Variants in PRH1 observed in about 807,000 individuals in gnomAD.
The protein encoded by PRH1 is proline rich protein HaeIII subfamily 1, also known as salivary acidic proline-rich phosphoprotein 1/2.
In PRH1, 7 loss-of-function variants were observed where a neutral mutation model predicts 7.9. The observed-to-expected ratio is 0.89, with a 90% CI of 0.50 to 1.67. The LOEUF (loss-of-function observed/expected upper bound fraction) is 1.67. Among genes scored for constraint, PRH1 ranks in the 40% most tolerant of loss-of-function variants. The pLI is 0.00. For synonymous variants in PRH1, 45 were observed against 80.8 expected, an observed-to-expected ratio of 0.56 and a Z score of 2.38; for missense variants, 109 against 223.6, an observed-to-expected ratio of 0.49 and a Z score of 3.27.
At chr12:10,962,990 T>C (rs980817434) in intron 2 of PRH1, among the ~76,000 whole-genome samples, 6 of 152,232 alleles carry the variant, frequency 3.9e-5, no homozygotes, top group African/African-American at 1.4e-4. Flanking sequence ...CAGGACGGTC[T>C]TGATCTCCTG....
upstream of PRH1, among the ~76,000 whole-genome samples, chr12:10,885,386 G>A (rs145169604): frequency 1.6e-4 from 24 of 151,582 alleles, no homozygotes; most frequent in Admixed American, 5.3e-4. Context: ...TTTACTTTTC[G>A]TCCTATATCT....
chr12:11,053,912 C>A (rs1470476908), intron 1 of PRH1, among the ~76,000 whole-genome samples: 1 of 152,162 alleles, frequency 6.6e-6, no homozygotes, highest in Non-Finnish European at 1.5e-5. Context: ...CCTCCGCCTC[C>A]AAGGTTCAAT....
chr12:11,133,797 C>A, intron 1 of PRH1: 1 of 1,589,252 alleles, frequency 6.3e-7, no homozygotes, highest in Non-Finnish European at 8.6e-7. Context: ...ACAGTCTCAT[C>A]CATGTTTATC....
At chr12:11,059,022 G>C (rs1353765939) in intron 1 of PRH1, among the ~76,000 whole-genome samples, 3 of 152,178 alleles carry the variant, frequency 2.0e-5, no homozygotes, top group Admixed American at 1.3e-4. Context: ...GTGGGCATGA[G>C]GTCTGACTTT....
intron 1 of PRH1, among the ~76,000 whole-genome samples, chr12:11,007,883 A>G (rs948794380): frequency 7.9e-5 from 12 of 152,148 alleles, no homozygotes; most frequent in Middle Eastern, 3.4e-3. Context: ...ATCCACCCAA[A>G]CCCAGCTTAG....
intron 2 of PRH1, among the ~76,000 whole-genome samples, chr12:10,939,817 A>G (rs1471087398): frequency 6.6e-6 from 1 of 152,156 alleles, no homozygotes; most frequent in Non-Finnish European, 1.5e-5. Flanking sequence ...ATTGTACATT[A>G]CAAAATTGCT....
chr12:10,917,644 T>C (rs960748545), intron 2 of PRH1, among the ~76,000 whole-genome samples: 3 of 152,224 alleles, frequency 2.0e-5, no homozygotes, highest in Non-Finnish European at 4.4e-5. Flanking sequence ...TGTTTTCACT[T>C]GTTGCTTCAC....
In PRH1 at chr12:10,972,938, C is replaced by T. The variant is rs550969293; in HGVS notation, c.-59+717G>A. Reference sequence around the variant, plus strand: ...GTACAAAGCACCACAACCCACCCCCCCCGCCCGCCCACACACACACCACAT... The same window carrying T: ...GTACAAAGCACCACAACCCACCCCCTCCGCCCGCCCACACACACACCACAT... On this transcript the variant is annotated intron_variant, in intron 2 of 3. Coordinates refer to the PRH1 transcript ENST00000539853. Among the ~76,000 whole-genome samples, 42 of 127,576 alleles carry T rather than the reference C, an allele frequency of 3.3e-4. No homozygotes were observed. In the Middle Eastern group the frequency reaches 0.011, roughly 33 times the overall value. 83.7% of individuals were successfully genotyped at this position (127,576 alleles called of 152,430 possible).
chr12:11,091,127 T>C (rs1379326745), intron 1 of PRH1, among the ~76,000 whole-genome samples: 2,762 of 52,934 alleles, frequency 0.052, 845 homozygotes, highest in Middle Eastern at 0.1. Flanking sequence ...TATATATATA[T>C]ATATATATAT....
At chr12:11,068,853 A>G (rs1303283348) in intron 1 of PRH1, among the ~76,000 whole-genome samples, 2 of 152,158 alleles carry the variant, frequency 1.3e-5, no homozygotes, top group Admixed American at 1.3e-4. Context: ...GTGGAAATTC[A>G]AGCAAAAATA....
chr12:10,882,148 C>T, intron 3 of PRH1, 69 bp downstream of exon 3: 1 of 1,595,166 alleles, frequency 6.3e-7, no homozygotes, highest in South Asian at 1.1e-5. Context: ...TCAGAGGATT[C>T]ATTGGCACAA....
chr12:10,997,528 A>C (rs1241385175), intron 1 of PRH1: 3 of 1,614,018 alleles, frequency 1.9e-6, no homozygotes, highest in South Asian at 1.1e-5. Flanking sequence ...GATGAAAAAT[A>C]AGTCTGGAGA....
chr12:11,142,585 C>T (rs145386864), intron 1 of PRH1, among the ~76,000 whole-genome samples: 7 of 151,932 alleles, frequency 4.6e-5, no homozygotes, highest in East Asian at 1.9e-4. Flanking sequence ...TATTGCAATT[C>T]GAAAGGAATT....
intron 2 of PRH1, among the ~76,000 whole-genome samples, chr12:10,941,253 G>A (rs906962253): frequency 2.0e-5 from 3 of 152,308 alleles, no homozygotes; most frequent in Admixed American, 6.5e-5. Context: ...AAGGACCTCA[G>A]CACTTGCATC....
intron 2 of PRH1, among the ~76,000 whole-genome samples, chr12:10,893,912 C>T (rs2135797597): frequency 6.6e-6 from 1 of 151,932 alleles, no homozygotes; most frequent in African/African-American, 2.4e-5. Flanking sequence ...CGATTGTGTT[C>T]TTTTATTTAA....
At chr12:11,086,115 C>A (rs1944682362) in intron 1 of PRH1, among the ~76,000 whole-genome samples, 1 of 14,410 alleles carries the variant, frequency 6.9e-5, no homozygotes, top group Non-Finnish European at 4.0e-4. Context: ...CCCCCCCCCA[C>A]ACACACACCC....
chr12:10,890,814 G>C (rs949874036), intron 2 of PRH1, among the ~76,000 whole-genome samples: 2 of 146,862 alleles, frequency 1.4e-5, no homozygotes, highest in Non-Finnish European at 3.0e-5. Context: ...AAGAGGAGGG[G>C]ATGGGAGGGG....
chr12:11,064,961 C>T (rs929903393), intron 1 of PRH1, among the ~76,000 whole-genome samples: 4 of 151,830 alleles, frequency 2.6e-5, no homozygotes, highest in Middle Eastern at 3.2e-3. Context: ...GGTTTGATCC[C>T]GGGAGTTCCA....
intron 2 of PRH1, among the ~76,000 whole-genome samples, chr12:10,929,965 G>C (rs1234004902): frequency 6.6e-6 from 1 of 152,100 alleles, no homozygotes; most frequent in Non-Finnish European, 1.5e-5. Flanking sequence ...AGGGCAGAAG[G>C]ATCCCCAAAT....
Sources: gnomAD v4.1 joint callset for allele counts (sites outside exome capture counted in the v4.1 genomes callset) on GRCh38, gnomAD v4.1.1 for gene constraint, MANE v1.5 for transcripts, NCBI Gene and HGNC (gene_info 2026-07-23, HGNC 2026-07-21) for gene names.